TMX1: variants seen among roughly 807,000 people sequenced by gnomAD.
TMX1 encodes thioredoxin-related transmembrane protein 1.
In TMX1, 25 loss-of-function variants were observed where a neutral mutation model predicts 36.6. The observed-to-expected ratio is 0.68, with a 90% CI of 0.50 to 0.95. The LOEUF is 0.95. TMX1 is among the 40% of genes least tolerant of loss of function. The probability of loss-of-function intolerance (pLI) is 0.00; values close to 1 mark genes in which losing one functional copy is unlikely to be tolerated. For missense variants in TMX1, 347 were observed against 339.6 expected, an observed-to-expected ratio of 1.02 and a Z score of -0.17; for synonymous variants, 133 against 118.0, an observed-to-expected ratio of 1.13 and a Z score of -0.82.
At chr14:51,245,071 T>C (rs1339630318) in intron 2 of TMX1, among the ~76,000 whole-genome samples, 1 of 152,220 alleles carries the variant, frequency 6.6e-6, no homozygotes, top group Admixed American at 6.5e-5. Flanking sequence ...AGTGTTTTTA[T>C]TTAAAAATGT....
intron 2 of TMX1, 146 bp downstream of exon 2, chr14:51,244,117 C>G: frequency 1.7e-6 from 1 of 575,320 alleles, no homozygotes; most frequent in Non-Finnish European, 2.8e-6. Flanking sequence ...GACTTGTCCA[C>G]CTCCCTGCTG....
At chr14:51,254,292 G>A (rs779039918) in intron 7 of TMX1, 49 bp from the exon 8 acceptor site, 17 of 1,514,984 alleles carry the variant, frequency 1.1e-5, no homozygotes, top group Middle Eastern at 1.8e-4. Context: ...TTACTCTAAA[G>A]CAAATCTAAT....
At position 51,247,086 on chromosome 14, in the gene TMX1, C is replaced by G; in HGVS notation, c.315-6C>G. 1 of 1,601,940 alleles carries G rather than the reference C, an allele frequency of 6.2e-7. No individual in the cohort carries two copies. On this transcript the variant is annotated splice_region_variant and splice_polypyrimidine_tract_variant and intron_variant, in intron 3 of 7. Coordinates refer to ENST00000457354, the MANE Select transcript of TMX1 (RefSeq NM_030755.5). ...CTGGATAATATTTAATTCTGATTCT[C>G]TTTAGTTGTAAAGATGGTGAATTTA...
rs2065794669 is a variant in TMX1 at position 51,248,006 on chromosome 14, G to C, written c.443+786G>C. Among the ~76,000 whole-genome samples the C allele has an allele frequency of 3.9e-5, 6 of 152,312 alleles. 2 individuals carry two copies. In the Middle Eastern group the frequency reaches 0.02, roughly 518 times the overall value. On this transcript the variant is annotated intron_variant, in intron 4 of 7. Transcript: ENST00000457354. ...TAAACTTCAACTCTTGATGTCAAGC[G>C]ACTGAATTATGTTTGGTTGGTTATT...
In TMX1 at chr14:51,249,691, A is replaced by G; in HGVS notation, c.592-2A>G. Reference sequence around the variant, plus strand: ...GATTTCTTACAATGTTTATTTTTACAGTGTATGATATTTGTGGCAGATTGC... The same window carrying G: ...GATTTCTTACAATGTTTATTTTTACGGTGTATGATATTTGTGGCAGATTGC... On this transcript the variant is annotated splice_acceptor_variant, in intron 6 of 7. Transcript: ENST00000457354. LOFTEE classifies it high-confidence loss of function. The G allele has an allele frequency of 6.2e-7, 1 of 1,613,008 alleles. No homozygotes were observed. The highest frequency in any genetic ancestry group is 8.5e-7 in the Non-Finnish European group (1 of 1,179,464).
chr14:51,249,193 C>T, intron 4 of TMX1, 133 bp from the exon 5 acceptor site: 1 of 634,198 alleles, frequency 1.6e-6, no homozygotes, highest in Non-Finnish European at 2.6e-6. Flanking sequence ...GGCATGAAAT[C>T]AGTGATGTGT....
chr14:51,255,133 T>C lies in TMX1; in HGVS notation c.*614T>C, dbSNP rs1332544844. 3 of 152,128 alleles carry C rather than the reference T, an allele frequency of 2.0e-5. No homozygotes were observed. Among genetic ancestry groups the C allele is most frequent in the Non-Finnish European group, 2.9e-5 (2 of 67,944 alleles). 9.4% of individuals were successfully genotyped at this position (152,128 alleles called of 1,614,324 possible). A position where few individuals can be genotyped will look rare whatever the true frequency, so the allele number is the denominator to read the frequency against. ...CTACTGATTTAGGAAGTTTTTAAGT[T>C]CATGGTATTCTCTTGATTCCAACAA... On this transcript the variant is annotated 3_prime_UTR_variant, in exon 8 of 8. Coordinates refer to ENST00000457354, the MANE Select transcript of TMX1 (RefSeq NM_030755.5).
intron 3 of TMX1, among the ~76,000 whole-genome samples, chr14:51,246,263 C>T (rs1037974275): frequency 6.6e-6 from 1 of 152,078 alleles, no homozygotes; most frequent in African/African-American, 2.4e-5. Flanking sequence ...GAATTTCCTG[C>T]CCTTTTTCTT....
In TMX1 at chr14:51,249,759, C is replaced by A; in HGVS notation, c.658C>A (p.Pro220Thr). Reference sequence around the variant, plus strand: ...GCGCAGACCACAGCCGTACCCATACCCTTCAAGTAAGTATATTTTAAAATG... The same window carrying A: ...GCGCAGACCACAGCCGTACCCATACACTTCAAGTAAGTATATTTTAAAATG... ...KRRRPQPYPY[P>T]SKKLLSESAQ... The change falls in exon 7 of 8, where the codon CCT becomes ACT. Residue 220 changes from proline (P) to threonine (T), a missense_variant. Coordinates refer to ENST00000457354, the MANE Select transcript of TMX1 (RefSeq NM_030755.5). 6.2e-7 allele frequency: 1 copy of A among 1,602,724 alleles called. No homozygotes were observed. The highest frequency in any genetic ancestry group is 1.7e-5 in the Admixed American group (1 of 58,032).
At chr14:51,244,007 T>C in intron 2 of TMX1, 36 bp downstream of exon 2, 1 of 1,526,060 alleles carries the variant, frequency 6.6e-7, no homozygotes, top group Non-Finnish European at 8.9e-7. Flanking sequence ...GTTTCTTTGC[T>C]GTTTGGGTTG....
chr14:51,249,181 C>G, intron 4 of TMX1, 145 bp from the exon 5 acceptor site: 1 of 569,820 alleles, frequency 1.8e-6, no homozygotes, highest in South Asian at 3.3e-5. Context: ...AGGCTTATTA[C>G]AGGCATGAAA....
At chr14:51,249,272 A>G (rs2065800110) in intron 4 of TMX1, 54 bp from the exon 5 acceptor site, 5 of 1,437,702 alleles carry the variant, frequency 3.5e-6, no homozygotes, top group African/African-American at 1.4e-5. Flanking sequence ...AATAGTATGT[A>G]TAGACAAATC....
chr14:51,247,991 C>T (rs908356821), intron 4 of TMX1, among the ~76,000 whole-genome samples: 6 of 152,236 alleles, frequency 3.9e-5, no homozygotes, highest in African/African-American at 1.4e-4. Flanking sequence ...TAAACTTCAA[C>T]TCTTGATGTC....
intron 4 of TMX1, 146 bp downstream of exon 4, chr14:51,247,366 T>C: frequency 1.1e-6 from 1 of 946,490 alleles, no homozygotes; most frequent in Non-Finnish European, 1.4e-6. Flanking sequence ...TTTTTTTTTT[T>C]TTTTTTTTGA....
At position 51,254,509 on chromosome 14, in the gene TMX1, A is replaced by T. The variant is rs1373418522; in HGVS notation, c.833A>T (p.Asp278Val). 3 of 1,588,096 alleles carry T rather than the reference A, an allele frequency of 1.9e-6. No individual in the cohort carries two copies. The highest frequency in any genetic ancestry group is 2.6e-6 in the Non-Finnish European group (3 of 1,173,582). Residue 278 changes from aspartate (D) to valine (V), a missense_variant, in exon 8 of 8, where the codon GAT becomes GTT. Physicochemically the swap from Asp to Val is radical, Grantham distance 152. Coordinates refer to ENST00000457354, the MANE Select transcript of TMX1 (RefSeq NM_030755.5). ...QRSLGPSLAT[D>V]KS is the part of the protein sequence containing the mutation. Reference sequence around the variant, plus strand: ...TCTCTGGGTCCATCATTGGCCACAGATAAATCCTAGTTAAATTTTATAGTT... The same window carrying T: ...TCTCTGGGTCCATCATTGGCCACAGTTAAATCCTAGTTAAATTTTATAGTT...
At chr14:51,242,361 A>G (rs1439910396) in intron 1 of TMX1, among the ~76,000 whole-genome samples, 3 of 152,138 alleles carry the variant, frequency 2.0e-5, no homozygotes, top group Admixed American at 6.5e-5. Flanking sequence ...TGTATATGCA[A>G]AATACAGTCA....
intron 3 of TMX1, among the ~76,000 whole-genome samples, chr14:51,246,375 G>C (rs953757563): frequency 6.6e-6 from 1 of 152,134 alleles, no homozygotes; most frequent in African/African-American, 2.4e-5. Flanking sequence ...CAAAAACTTT[G>C]TGTTTTGGGG....
chr14:51,249,686 T>G lies in TMX1; in HGVS notation c.592-7T>G. Reference sequence around the variant, plus strand: ...ATTCAGATTTCTTACAATGTTTATTTTTACAGTGTATGATATTTGTGGCAG... The same window carrying G: ...ATTCAGATTTCTTACAATGTTTATTGTTACAGTGTATGATATTTGTGGCAG... On this transcript the variant is annotated splice_region_variant and splice_polypyrimidine_tract_variant and intron_variant, in intron 6 of 7. Transcript: ENST00000457354. 6.2e-7 allele frequency: 1 copy of G among 1,612,976 alleles called. No individual in the cohort carries two copies. The highest frequency in any genetic ancestry group is 8.5e-7 in the Non-Finnish European group (1 of 1,179,392).
At chr14:51,248,160 G>A (rs575367659) in intron 4 of TMX1, among the ~76,000 whole-genome samples, 1 of 152,232 alleles carries the variant, frequency 6.6e-6, no homozygotes, top group Non-Finnish European at 1.5e-5. Flanking sequence ...GCTATGGAGT[G>A]ATAAGGATTG....
Sources: allele counts gnomAD v4.1 joint callset (sites outside exome capture counted in the v4.1 genomes callset), GRCh38; gene constraint gnomAD v4.1.1; transcripts MANE v1.5; gene names NCBI Gene and HGNC (gene_info 2026-07-23, HGNC 2026-07-21).